ARHGEF3: variants seen among roughly 807,000 people sequenced by gnomAD.
ARHGEF3 encodes the protein 59.8 kDA protein.
In ARHGEF3, 28 loss-of-function variants were observed where a neutral mutation model predicts 63.2. That is an observed-to-expected ratio of 0.44 (90% CI 0.33 to 0.61). ARHGEF3 has a LOEUF of 0.61. Ranked by LOEUF, ARHGEF3 falls within the 20% of genes least tolerant of loss-of-function variation. ARHGEF3 has a pLI of 0.03. For missense variants in ARHGEF3, 533 were observed against 659.3 expected, an observed-to-expected ratio of 0.81 and a Z score of 2.10; for synonymous variants, 266 against 254.2, an observed-to-expected ratio of 1.05 and a Z score of -0.44.
chr3:56,978,705 A>G (rs1335001772), intron 2 of ARHGEF3, among the ~76,000 whole-genome samples: 1 of 152,228 alleles, frequency 6.6e-6, no homozygotes, highest in Non-Finnish European at 1.5e-5. Flanking sequence ...ATTTTCCAAG[A>G]GCATTAAAAT....
intron 4 of ARHGEF3, among the ~76,000 whole-genome samples, chr3:56,842,869 A>G (rs2039360705): frequency 6.6e-6 from 1 of 152,192 alleles, no homozygotes; most frequent in Non-Finnish European, 1.5e-5. Context: ...TAGTATTTTT[A>G]GTTCATCCTT....
At chr3:56,910,090 C>A (rs559036842) in intron 3 of ARHGEF3, among the ~76,000 whole-genome samples, 1 of 152,300 alleles carries the variant, frequency 6.6e-6, no homozygotes, top group South Asian at 2.1e-4. Flanking sequence ...CACTGAGTTT[C>A]GGGGTAGCTG....
intron 2 of ARHGEF3, among the ~76,000 whole-genome samples, chr3:56,999,968 C>A (rs1045145936): frequency 2.6e-5 from 4 of 152,026 alleles, no homozygotes; most frequent in Non-Finnish European, 5.9e-5. Context: ...ATGCTTGAAC[C>A]CTGACTCTAT....
chr3:57,013,189 C>G (rs560162826), intron 2 of ARHGEF3, among the ~76,000 whole-genome samples: 1 of 152,368 alleles, frequency 6.6e-6, no homozygotes, highest in South Asian at 2.1e-4. Context: ...GCCTCCCAGA[C>G]AGGCACTGCC....
chr3:57,071,915 C>T (rs1368433127), intron 1 of ARHGEF3, among the ~76,000 whole-genome samples: 1 of 152,062 alleles, frequency 6.6e-6, no homozygotes, highest in African/African-American at 2.4e-5. Context: ...ACACTTACAA[C>T]TCAATAATAA....
At chr3:57,016,212 C>T (rs1042233330) in intron 2 of ARHGEF3, among the ~76,000 whole-genome samples, 3 of 152,060 alleles carry the variant, frequency 2.0e-5, no homozygotes, top group Non-Finnish European at 2.9e-5. Context: ...AGTGGTAAGA[C>T]GCAGGCAGGT....
intron 2 of ARHGEF3, chr3:56,975,964 C>T (rs1701109000): frequency 4.4e-6 from 1 of 227,922 alleles, no homozygotes; most frequent in South Asian, 4.8e-5. Context: ...AGGGTAATTT[C>T]AATTTAAAAC....
intron 2 of ARHGEF3, among the ~76,000 whole-genome samples, chr3:57,005,401 A>G (rs898930665): frequency 6.6e-6 from 1 of 152,200 alleles, no homozygotes; most frequent in Non-Finnish European, 1.5e-5. Context: ...GGCAAACTCA[A>G]CAGTAGAAAT....
chr3:56,819,904 G>A (rs2038412233), intron 4 of ARHGEF3, among the ~76,000 whole-genome samples: 1 of 151,724 alleles, frequency 6.6e-6, no homozygotes, highest in African/African-American at 2.4e-5. Context: ...GGACCTCCTG[G>A]GCTCAAGCAT....
intron 2 of ARHGEF3, 22 bp from the exon 3 acceptor site, chr3:56,755,173 C>CCAT (rs1390666219): frequency 3.1e-6 from 5 of 1,609,542 alleles, no homozygotes; most frequent in Non-Finnish European, 4.2e-6. Flanking sequence ...GAAAAACAAA[C>CCAT]CATCACGGGG....
chr3:56,759,223 G>A (rs528033697), intron 2 of ARHGEF3, among the ~76,000 whole-genome samples: 79 of 149,036 alleles, frequency 5.3e-4, no homozygotes, highest in African/African-American at 1.9e-3. Context: ...TGTCGCCCAG[G>A]CTGGAGTGCA....
At chr3:56,837,918 C>T (rs1370068613) in intron 4 of ARHGEF3, among the ~76,000 whole-genome samples, 1 of 152,186 alleles carries the variant, frequency 6.6e-6, no homozygotes. Context: ...TTCTAACACA[C>T]TGCTAAATGT....
At chr3:56,857,773 A>G (rs952185296) in intron 4 of ARHGEF3, among the ~76,000 whole-genome samples, 3 of 152,102 alleles carry the variant, frequency 2.0e-5, no homozygotes, top group Admixed American at 2.0e-4. Context: ...ACAGCCTCTT[A>G]CTATGTTGCC....
chr3:56,839,858 G>GT (rs2039252108), intron 4 of ARHGEF3, among the ~76,000 whole-genome samples: 1 of 152,094 alleles, frequency 6.6e-6, no homozygotes, highest in Non-Finnish European at 1.5e-5. Flanking sequence ...GGAAGGGAGG[G>GT]TCTGGTCCCT....
At chr3:56,954,017 T>G (rs887820440) in intron 3 of ARHGEF3, among the ~76,000 whole-genome samples, 1 of 152,162 alleles carries the variant, frequency 6.6e-6, no homozygotes, top group African/African-American at 2.4e-5. Flanking sequence ...TGTCTAAATA[T>G]TAAAAGGTCA....
chr3:56,801,448 G>A (rs1162795124), intron 1 of ARHGEF3, among the ~76,000 whole-genome samples: 1 of 152,268 alleles, frequency 6.6e-6, no homozygotes, highest in East Asian at 1.9e-4. Context: ...GGCAGGTAGA[G>A]GGACAGGGAG....
At chr3:56,822,005 GAAGAGAAGA>G (rs2038519324) in intron 4 of ARHGEF3, among the ~76,000 whole-genome samples, 1 of 147,894 alleles carries the variant, frequency 6.8e-6, no homozygotes, top group Non-Finnish European at 1.5e-5. Context: ...GAAGAGAAGA[GAAGAGAAGA>G]GAAGAGAAGA....
At chr3:56,913,206 C>A (rs1353106179) in intron 3 of ARHGEF3, among the ~76,000 whole-genome samples, 1 of 150,236 alleles carries the variant, frequency 6.7e-6, no homozygotes, top group African/African-American at 2.4e-5. Context: ...GTCAACAAAA[C>A]AAAGAGACAA....
At chr3:57,037,320 C>A (rs1704002385) in intron 1 of ARHGEF3, among the ~76,000 whole-genome samples, 2 of 152,164 alleles carry the variant, frequency 1.3e-5, no homozygotes, top group African/African-American at 4.8e-5. Context: ...GTGAACACCT[C>A]AACCTACCTC....
Sources: allele counts gnomAD v4.1 joint callset (sites outside exome capture counted in the v4.1 genomes callset), GRCh38; gene constraint gnomAD v4.1.1; transcripts MANE v1.5; gene names NCBI Gene and HGNC (gene_info 2026-07-23, HGNC 2026-07-21).